The following ZNF429 variants were observed in gnomAD, a reference collection of about 807,000 sequenced individuals.
ZNF429 encodes zinc finger protein 429.
Under a neutral mutation model 56.8 loss-of-function variants are expected in ZNF429, and 53 were observed. That is an observed-to-expected ratio of 0.93 (90% CI 0.75 to 1.17). ZNF429 has a LOEUF of 1.17. Among genes scored for constraint, ZNF429 ranks in the 50% most tolerant of loss-of-function variants. The probability of loss-of-function intolerance (pLI) is 0.00; values close to 1 mark genes in which losing one functional copy is unlikely to be tolerated. For synonymous variants in ZNF429, 278 were observed against 264.7 expected, an observed-to-expected ratio of 1.05 and a Z score of -0.49; for missense variants, 849 against 788.4, an observed-to-expected ratio of 1.08 and a Z score of -0.92.
chr19:21,511,547 C>G (rs1599435870), intron 1 of ZNF429, among the ~76,000 whole-genome samples: 1 of 151,934 alleles, frequency 6.6e-6, no homozygotes, highest in Non-Finnish European at 1.5e-5. Context: ...CTCCTCACTT[C>G]CTAGATGGGA....
rs1314781125 is a variant in ZNF429 at position 21,540,484 on chromosome 19, T to TA, written c.*2407dup. Among the ~76,000 whole-genome samples the TA allele has an allele frequency of 1.3e-5, 2 of 152,142 alleles. No individual in the cohort carries two copies. The highest frequency in any genetic ancestry group is 4.8e-5 in the African/African-American group (2 of 41,462). ...ATAGAGGCATACAATATGTAATAAT[T>TA]ACATCAATTACATCAGGGTAAATTA... On this transcript the variant is annotated 3_prime_UTR_variant, in exon 4 of 4. Transcript: ENST00000358491.
chr19:21,507,211 A>G (rs1414442056), intron 1 of ZNF429, among the ~76,000 whole-genome samples: 1 of 151,718 alleles, frequency 6.6e-6, no homozygotes, highest in Non-Finnish European at 1.5e-5. Flanking sequence ...TCTCAAATCT[A>G]CTCCCACGCC....
chr19:21,534,296 T>TAATTATTTGTAGGGACAGGA, intron 3 of ZNF429, among the ~76,000 whole-genome samples: 1 of 146,084 alleles, frequency 6.8e-6, no homozygotes, highest in African/African-American at 2.5e-5. Context: ...TTTTTGGATT[T>TAATTATTTGTAGGGACAGGA]TCCAGTTTTA....
At chr19:21,529,820 C>A in intron 2 of ZNF429, 36 bp downstream of exon 2, 2 of 1,309,636 alleles carry the variant, frequency 1.5e-6, no homozygotes, top group Middle Eastern at 2.0e-4. Flanking sequence ...CCTAATATAC[C>A]CTAAATGTTT....
chr19:21,530,396 A>AGTACT, intron 2 of ZNF429, among the ~76,000 whole-genome samples, 193 bp from the exon 3 acceptor site: 1 of 152,154 alleles, frequency 6.6e-6, no homozygotes, highest in Non-Finnish European at 1.5e-5. Flanking sequence ...TTTATTAAGT[A>AGTACT]GTACTGGGCA....
Position 21,538,963 on chromosome 19 carries a change from C to G in ZNF429, c.*885C>G, listed in dbSNP as rs559560720. Among the ~76,000 whole-genome samples the G allele has an allele frequency of 6.6e-6, 1 of 152,230 alleles. No individual in the cohort carries two copies. The highest frequency in any genetic ancestry group is 2.1e-4 in the South Asian group (1 of 4,824). ...CAGATCTTGTTGTACACATTTTATACTAGAGGAAAACCCTGAAGCAGTTGC... is the reference window on the plus strand; with the variant it reads ...CAGATCTTGTTGTACACATTTTATAGTAGAGGAAAACCCTGAAGCAGTTGC... On this transcript the variant is annotated 3_prime_UTR_variant, in exon 4 of 4. Coordinates refer to ENST00000358491, the MANE Select transcript of ZNF429 (RefSeq NM_001001415.4).
chr19:21,536,417 G>A lies in ZNF429; in HGVS notation c.364G>A (p.Asp122Asn). Residue 122 changes from aspartate to asparagine, a missense_variant, in exon 4 of 4, where the codon GAT becomes AAT. Physicochemically the swap from Asp to Asn is conservative, Grantham distance 23. Coordinates refer to ENST00000358491, the MANE Select transcript of ZNF429 (RefSeq NM_001001415.4). ...AAGAAAAGGCTATAAAACTGTAGGT[G>A]ATTGTAAGCTATACAAAGGAGGTTA... ...QLRKGYKTVG[D>N]CKLYKGGYNG... The A allele has an allele frequency of 1.2e-6, 2 of 1,613,874 alleles. No individual in the cohort carries two copies. Among genetic ancestry groups the A allele is most frequent in the South Asian group, 1.1e-5 (1 of 91,058 alleles).
chr19:21,510,190 G>GA (rs1407411545), intron 1 of ZNF429, among the ~76,000 whole-genome samples: 1 of 152,020 alleles, frequency 6.6e-6, no homozygotes, highest in Non-Finnish European at 1.5e-5. Context: ...AACAAGATTA[G>GA]AAAAAAGATG....
At chr19:21,524,276 T>C (rs1292844204) in intron 1 of ZNF429, among the ~76,000 whole-genome samples, 1 of 152,194 alleles carries the variant, frequency 6.6e-6, no homozygotes, top group Non-Finnish European at 1.5e-5. Flanking sequence ...ACGCCTATAA[T>C]CCCAGGACTT....
chr19:21,506,820 A>G (rs1472750476), intron 1 of ZNF429, among the ~76,000 whole-genome samples: 1 of 125,604 alleles, frequency 8.0e-6, no homozygotes, highest in African/African-American at 3.1e-5. Context: ...CCCAATCTGG[A>G]CTGCAGTGGC....
Position 21,531,106 on chromosome 19 carries a change from CAAAAAAAAAA to C in ZNF429, c.226+436_226+445del. ...GGGCAACAAGAGTGAAACTCCATCT[CAAAAAAAAAA>C]AAAAAAAAAAAAACCAAAAAAAAAA... On this transcript the variant is annotated intron_variant, in intron 3 of 3. Transcript: ENST00000358491. 2.5e-3 allele frequency among the ~76,000 whole-genome samples: 44 copies of C among 17,560 alleles called. 1 individual carries two copies. The highest frequency in any genetic ancestry group is 4.0e-3 in the Non-Finnish European group (41 of 10,254). 11.5% of individuals were successfully genotyped at this position (17,560 alleles called of 152,430 possible). A position where few individuals can be genotyped will look rare whatever the true frequency, so the allele number is the denominator to read the frequency against.
intron 1 of ZNF429, among the ~76,000 whole-genome samples, chr19:21,508,349 C>CAT (rs2145410524): frequency 6.6e-6 from 1 of 152,102 alleles, no homozygotes; most frequent in African/African-American, 2.4e-5. Context: ...CTTACTGGAA[C>CAT]ATAGAGCAGT....
chr19:21,520,191 C>A (rs1227996370), intron 1 of ZNF429, among the ~76,000 whole-genome samples: 1 of 152,112 alleles, frequency 6.6e-6, no homozygotes, highest in African/African-American at 2.4e-5. Context: ...ACACCTTTTT[C>A]TCTTCTGCTT....
chr19:21,525,723 A>T (rs565542629), intron 1 of ZNF429, among the ~76,000 whole-genome samples: 150 of 106,024 alleles, frequency 1.4e-3, no homozygotes, highest in Middle Eastern at 0.014. Context: ...TAGTTGCTCC[A>T]CAAGTCACAA....
intron 1 of ZNF429, among the ~76,000 whole-genome samples, chr19:21,522,502 A>C (rs1486413994): frequency 6.6e-6 from 1 of 152,192 alleles, no homozygotes; most frequent in East Asian, 1.9e-4. Context: ...ATATTTTCCA[A>C]ACACTATCTA....
chr19:21,516,721 G>A (rs2032759959), intron 1 of ZNF429, among the ~76,000 whole-genome samples: 1 of 152,148 alleles, frequency 6.6e-6, no homozygotes, highest in African/African-American at 2.4e-5. Flanking sequence ...ATGGAATTAT[G>A]TTTTTGATTT....
chr19:21,529,940 G>A, intron 2 of ZNF429, among the ~76,000 whole-genome samples, 156 bp downstream of exon 2: 3 of 152,136 alleles, frequency 2.0e-5, no homozygotes, highest in African/African-American at 7.2e-5. Flanking sequence ...GCTCACGCCT[G>A]TAATCCCAGC....
At chr19:21,533,947 A>T in intron 3 of ZNF429, among the ~76,000 whole-genome samples, 1 of 152,166 alleles carries the variant, frequency 6.6e-6, no homozygotes, top group Admixed American at 6.5e-5. Flanking sequence ...CACACAACAG[A>T]TCATATACAG....
intron 1 of ZNF429, chr19:21,507,407 A>G (rs2032229217): frequency 6.6e-6 from 1 of 152,248 alleles, no homozygotes; most frequent in African/African-American, 2.4e-5. Flanking sequence ...TGGCACATTT[A>G]AAAAGATTTG....
Sources: gnomAD v4.1 joint callset for allele counts (sites outside exome capture counted in the v4.1 genomes callset) on GRCh38, gnomAD v4.1.1 for gene constraint, MANE v1.5 for transcripts, NCBI Gene and HGNC (gene_info 2026-07-23, HGNC 2026-07-21) for gene names.